Variants in MEF2A observed in about 807,000 individuals in gnomAD.
MEF2A encodes myocyte enhancer factor 2A.
A neutral mutation model predicts 55.8 loss-of-function variants in MEF2A; 28 were observed. The ratio of observed to expected loss-of-function variants is 0.50; its 90% CI spans 0.37 to 0.69. The LOEUF is 0.69. Among genes scored for constraint, MEF2A ranks in the 30% least tolerant of loss-of-function variants. The pLI, the probability that MEF2A is intolerant of heterozygous loss-of-function variation, is 0.00. For missense variants in MEF2A, 528 were observed against 626.2 expected (o/e 0.84, Z 1.67); for synonymous variants, 239 against 227.1 (o/e 1.05, Z -0.47).
chr15:99,646,626 T>C (rs1237107131), intron 4 of MEF2A, among the ~76,000 whole-genome samples: 5 of 152,116 alleles, frequency 3.3e-5, no homozygotes, highest in African/African-American at 9.7e-5. Flanking sequence ...TGTAGAACAA[T>C]TGAAAAAGAA....
intron 4 of MEF2A, among the ~76,000 whole-genome samples, chr15:99,658,407 A>T (rs1028272525): frequency 1.4e-4 from 21 of 152,184 alleles, no homozygotes; most frequent in African/African-American, 4.8e-4. Flanking sequence ...AAGGCAGAAA[A>T]TATCAAGAAA....
chr15:99,699,585 TATTGTCACA>T (rs1197827924), intron 8 of MEF2A, among the ~76,000 whole-genome samples: 1 of 152,196 alleles, frequency 6.6e-6, no homozygotes, highest in Non-Finnish European at 1.5e-5. Context: ...ATGGAATGCA[TATTGTCACA>T]CATGAATATA....
At chr15:99,601,730 T>G (rs1408064086) in intron 2 of MEF2A, among the ~76,000 whole-genome samples, 1 of 152,032 alleles carries the variant, frequency 6.6e-6, no homozygotes, top group East Asian at 1.9e-4. Context: ...ATTGCTGGAT[T>G]CACTTGCTAA....
chr15:99,685,272 G>T (rs529221489), intron 7 of MEF2A, among the ~76,000 whole-genome samples: 12 of 152,232 alleles, frequency 7.9e-5, no homozygotes, highest in African/African-American at 2.6e-4. Flanking sequence ...TGAATTTGTA[G>T]ATTGCTTTTG....
chr15:99,611,796 A>G (rs2039302177), intron 2 of MEF2A, among the ~76,000 whole-genome samples: 2 of 152,234 alleles, frequency 1.3e-5, no homozygotes, highest in African/African-American at 4.8e-5. Flanking sequence ...GAATGGGTAA[A>G]TGAAATGTGG....
intron 11 of MEF2A, among the ~76,000 whole-genome samples, chr15:99,711,482 G>A (rs2058638630): frequency 6.6e-6 from 1 of 152,222 alleles, no homozygotes; most frequent in African/African-American, 2.4e-5. Context: ...CAGGGCTTTT[G>A]TGGAACCAGG....
rs78611226 is a variant in MEF2A, at chr15:99,692,026, A to G, written c.858+1598A>G. 3.8e-3 allele frequency among the ~76,000 whole-genome samples: 583 copies of G among 152,332 alleles called. 5 individuals are homozygous for G. The highest frequency in any genetic ancestry group is 0.013 in the African/African-American group (533 of 41,574). On this transcript the variant is annotated intron_variant, in intron 8 of 11. Coordinates refer to ENST00000557942, the MANE Select transcript of MEF2A (RefSeq NM_001319206.4). The stretch of plus-strand genomic sequence containing the variant: ...TTAGTTTAGCAACTGTTTGACTACT[A>G]CCATACTAAATGATATGCCAGGTGT...
chr15:99,697,868 A>G (rs2056736487), intron 8 of MEF2A, among the ~76,000 whole-genome samples: 1 of 152,214 alleles, frequency 6.6e-6, no homozygotes, highest in Non-Finnish European at 1.5e-5. Context: ...GATATTGACA[A>G]AAGGATGGGC....
intron 3 of MEF2A, 91 bp downstream of exon 3, chr15:99,633,264 AT>A: frequency 1.2e-6 from 1 of 836,252 alleles, no homozygotes; most frequent in East Asian, 3.2e-5. Flanking sequence ...CTTAAACTTA[AT>A]TTTAAGTCTA....
chr15:99,656,966 C>T (rs2047836798), intron 4 of MEF2A, among the ~76,000 whole-genome samples: 1 of 152,066 alleles, frequency 6.6e-6, no homozygotes, highest in Admixed American at 6.6e-5. Flanking sequence ...TTACCAACTC[C>T]TCCTTCCCCT....
intron 1 of MEF2A, among the ~76,000 whole-genome samples, chr15:99,591,420 T>C (rs1969245949): frequency 1.3e-5 from 2 of 152,228 alleles, no homozygotes; most frequent in African/African-American, 4.8e-5. Flanking sequence ...TTTGTTCCTC[T>C]GTGTGTAATG....
chr15:99,656,672 T>C (rs2047771364), intron 4 of MEF2A, among the ~76,000 whole-genome samples: 1 of 152,146 alleles, frequency 6.6e-6, no homozygotes, highest in Non-Finnish European at 1.5e-5. Context: ...ACTGTCACAT[T>C]ACCTTGTATC....
intron 3 of MEF2A, among the ~76,000 whole-genome samples, chr15:99,641,363 C>A (rs969101525): frequency 6.6e-6 from 1 of 152,148 alleles, no homozygotes; most frequent in Admixed American, 6.5e-5. Flanking sequence ...TGTGATGTAG[C>A]AGGCATTGAG....
intron 3 of MEF2A, among the ~76,000 whole-genome samples, chr15:99,638,831 C>G (rs1034230362): frequency 3.9e-5 from 6 of 152,030 alleles, no homozygotes; most frequent in African/African-American, 1.4e-4. Flanking sequence ...TTTGACATGT[C>G]TAGTGGTTTT....
intron 4 of MEF2A, among the ~76,000 whole-genome samples, chr15:99,667,738 C>T (rs1453956690): frequency 1.3e-5 from 2 of 151,948 alleles, no homozygotes; most frequent in African/African-American, 2.4e-5. Flanking sequence ...TGAACTTCCA[C>T]CAGGCGGGAT....
At chr15:99,655,351 CA>C (rs1198863546) in intron 4 of MEF2A, among the ~76,000 whole-genome samples, 1 of 152,052 alleles carries the variant, frequency 6.6e-6, no homozygotes, top group Non-Finnish European at 1.5e-5. Context: ...TACCTTACAT[CA>C]TATACAAAAT....
At chr15:99,688,166 A>C (rs2153706035) in intron 7 of MEF2A, among the ~76,000 whole-genome samples, 1 of 152,354 alleles carries the variant, frequency 6.6e-6, no homozygotes, top group Non-Finnish European at 1.5e-5. Context: ...TGCACATTAT[A>C]TGTTTCTGTA....
chr15:99,699,071 CAAAA>C (rs371590167), intron 8 of MEF2A, among the ~76,000 whole-genome samples: 2,705 of 148,922 alleles, frequency 0.018, 38 homozygotes, highest in Middle Eastern at 0.066. Context: ...AAAAAAAAAA[CAAAA>C]AAAACTTGCT....
intron 4 of MEF2A, among the ~76,000 whole-genome samples, chr15:99,670,244 G>GT (rs1000319014): frequency 6.6e-6 from 1 of 151,916 alleles, no homozygotes; most frequent in East Asian, 1.9e-4. Context: ...AAAACCAACT[G>GT]TTTTTTGCAT....
Sources: gnomAD v4.1 joint callset for allele counts (sites outside exome capture counted in the v4.1 genomes callset) on GRCh38, gnomAD v4.1.1 for gene constraint, MANE v1.5 for transcripts, NCBI Gene and HGNC (gene_info 2026-07-23, HGNC 2026-07-21) for gene names.